The following CAPN14 variants were observed in gnomAD, a reference collection of about 807,000 sequenced individuals.
CAPN14 encodes calpain-14.
In CAPN14, 94 loss-of-function variants were observed where a neutral mutation model predicts 101.3. The observed-to-expected ratio is 0.93, with a 90% CI of 0.79 to 1.10. The LOEUF (loss-of-function observed/expected upper bound fraction) is 1.10, where lower values mean the gene tolerates loss of function less well. CAPN14 is among the 50% of genes least tolerant of loss of function. The pLI is 0.00. For missense variants in CAPN14, 837 were observed against 828.4 expected (o/e 1.01, Z -0.13); for synonymous variants, 338 against 317.9 (o/e 1.06, Z -0.67).
chr2:31,177,084 G>C lies in CAPN14; in HGVS notation c.1914C>G (p.Arg638=). The change falls in exon 20 of 22, where the codon CGC becomes CGG. Residue 638 remains arginine, a synonymous_variant. Coordinates refer to ENST00000403897, the MANE Select transcript of CAPN14 (RefSeq NM_001145122.2). The part of the protein sequence containing the change: ...QLMLIRYGGP[R]LQMDFVSFIH... ...TGAAACTGACAAAGTCCATCTGGAGGCGGGGGCCGCCGTAGCGGATGAGCA... is the reference window on the plus strand; with the variant it reads ...TGAAACTGACAAAGTCCATCTGGAGCCGGGGGCCGCCGTAGCGGATGAGCA... The C allele has an allele frequency of 6.4e-7, 1 of 1,551,508 alleles. No homozygotes were observed. The highest frequency in any genetic ancestry group is 8.7e-7 in the Non-Finnish European group (1 of 1,146,882).
chr2:31,180,556 G>A (rs1011178779), intron 17 of CAPN14, among the ~76,000 whole-genome samples: 8 of 152,080 alleles, frequency 5.3e-5, no homozygotes, highest in African/African-American at 7.2e-5. Context: ...AAAACATAGG[G>A]CCCCAAGGCT....
chr2:31,181,740 T>C (rs568353861), intron 16 of CAPN14, among the ~76,000 whole-genome samples: 10 of 139,600 alleles, frequency 7.2e-5, no homozygotes, highest in African/African-American at 2.7e-4. Flanking sequence ...TTCTCGTTGT[T>C]CAATTCCCAC....
chr2:31,211,101 T>G (rs1402069360), intron 1 of CAPN14, among the ~76,000 whole-genome samples: 1 of 152,094 alleles, frequency 6.6e-6, no homozygotes, highest in Non-Finnish European at 1.5e-5. Context: ...ATAAAAGATA[T>G]TTCCTTAAAC....
rs1414533954 is a variant in CAPN14, at chr2:31,180,987, T to C, written c.1659A>G (p.Arg553=). The change falls in exon 17 of 22, where the codon AGA becomes AGG. Residue 553 remains arginine, a synonymous_variant. Transcript: ENST00000403897. Reference sequence around the variant, plus strand: ...AGGCTTCCAGGCTAAAGAAGGGCTGTCTGCTCCCCAGACCTGTGAAGGAGC... The same window carrying C: ...AGGCTTCCAGGCTAAAGAAGGGCTGCCTGCTCCCCAGACCTGTGAAGGAGC... ...NQMTWSSLGS[R]QPFFSLEACQ... 2 of 1,551,808 alleles carry C rather than the reference T, an allele frequency of 1.3e-6. No homozygotes were observed. The highest frequency in any genetic ancestry group is 2.0e-5 in the Admixed American group (1 of 51,004).
At chr2:31,231,616 T>C (rs1404974406) in intron 1 of CAPN14, among the ~76,000 whole-genome samples, 1 of 152,222 alleles carries the variant, frequency 6.6e-6, no homozygotes, top group East Asian at 1.9e-4. Flanking sequence ...AGTAGATGTG[T>C]CAACACGCAC....
Position 31,189,320 on chromosome 2 carries a change from C to G in CAPN14, c.1446G>C (p.Gln482His). 1 of 1,551,722 alleles carries G rather than the reference C, an allele frequency of 6.4e-7. No homozygotes were observed. The highest frequency in any genetic ancestry group is 8.7e-7 in the Non-Finnish European group (1 of 1,147,014). Residue 482 changes from glutamine (Q) to histidine (H), a missense_variant, in exon 13 of 22, where the codon CAG (glutamine) becomes CAC (histidine). Gln to His is a conservative substitution (Grantham distance 24). Coordinates refer to ENST00000403897, the MANE Select transcript of CAPN14 (RefSeq NM_001145122.2). ...AGACCCTGAGGACGAACTCTGACTT[C>G]TGGTGGGCCTCCAATATGCAGGGCA... Reference protein sequence around the residue: ...LIVPCILEAHQKSEFVLRVFS... With the variant: ...LIVPCILEAHHKSEFVLRVFS...
At chr2:31,216,742 C>T (rs1245960243) in intron 1 of CAPN14, among the ~76,000 whole-genome samples, 2 of 152,132 alleles carry the variant, frequency 1.3e-5, no homozygotes, top group South Asian at 4.2e-4. Flanking sequence ...CCGACTACCT[C>T]GCTCTGGAGT....
At chr2:31,181,442 CTTTT>C (rs754556160) in intron 16 of CAPN14, among the ~76,000 whole-genome samples, 78 of 99,036 alleles carry the variant, frequency 7.9e-4, no homozygotes, top group African/African-American at 2.7e-3. Context: ...TTCTTTCTTT[CTTTT>C]TCTTTCTTTT....
intron 1 of CAPN14, among the ~76,000 whole-genome samples, chr2:31,207,954 A>G (rs372952904): frequency 3.2e-4 from 48 of 152,156 alleles, no homozygotes; most frequent in African/African-American, 1.0e-3. Context: ...TCTTCTGCCT[A>G]ATGGCTTTTG....
At position 31,193,145 on chromosome 2, in the gene CAPN14, C is replaced by T; in HGVS notation, c.1100G>A (p.Arg367Lys). 6.4e-7 allele frequency: 1 copy of T among 1,550,552 alleles called. No homozygotes were observed. The highest frequency in any genetic ancestry group is 8.7e-7 in the Non-Finnish European group (1 of 1,146,912). ...WEKRSTAGGQ[R>K]QLLQDTFWKN... Reference sequence around the variant, plus strand: ...CACATGCTCACCCTGCAGCAACTGCCTCTGGCCACCAGCTGTGCTCCGCTT... The same window carrying T: ...CACATGCTCACCCTGCAGCAACTGCTTCTGGCCACCAGCTGTGCTCCGCTT... The change falls in exon 10 of 22, where the codon AGG becomes AAG. Residue 367 changes from arginine to lysine, a missense_variant. Transcript: ENST00000403897.
intron 21 of CAPN14, among the ~76,000 whole-genome samples, chr2:31,175,214 C>T (rs1055165883): frequency 2.0e-5 from 3 of 152,170 alleles, no homozygotes; most frequent in African/African-American, 4.8e-5. Context: ...AAAGCCTCAG[C>T]GTGAAATCCA....
In CAPN14 at chr2:31,228,319, T is replaced by C. The variant is rs374852654; in HGVS notation, c.-176-1668A>G. The C allele has an allele frequency of 2.6e-5, 4 of 152,206 alleles. No individual in the cohort carries two copies. The East Asian group carries it at 5.8e-4, about 22-fold the overall frequency. The allele number at this position is 152,206 out of a possible 1,614,324, so 9.4% of individuals were successfully genotyped here. A position where few individuals can be genotyped will look rare whatever the true frequency, so the allele number is the denominator to read the frequency against. On this transcript the variant is annotated intron_variant and NMD_transcript_variant, in intron 1 of 21. Coordinates refer to the CAPN14 transcript ENST00000398824. ...TGGATGAGAAAGGGAAGTGTCTGTA[T>C]CCACACCACCCTGAATGCACCCGAT...
chr2:31,187,540 A>ACTAAT (rs1392214906), intron 15 of CAPN14, among the ~76,000 whole-genome samples: 1 of 152,228 alleles, frequency 6.6e-6, no homozygotes, highest in Non-Finnish European at 1.5e-5. Context: ...GCGTCCAAGA[A>ACTAAT]CAGAGAATCA....
rs568362960 is a variant in CAPN14 at position 31,229,338 on chromosome 2, G to T, written c.-176-2687C>A. On this transcript the variant is annotated intron_variant and NMD_transcript_variant, in intron 1 of 21. Coordinates refer to the CAPN14 transcript ENST00000398824. ...AGTTTTTTAAAAATATAATAAAGGA[G>T]CCAGGTGTAGTTTGTCTTGAACCAC... is the stretch of plus-strand genomic sequence containing the variant. 6.8e-4 allele frequency among the ~76,000 whole-genome samples: 103 copies of T among 152,194 alleles called. No individual in the cohort carries two copies. The South Asian group carries it at 7.3e-3, about 11-fold the overall frequency.
upstream of CAPN14, among the ~76,000 whole-genome samples, chr2:31,220,632 C>T (rs555128747): frequency 3.3e-5 from 5 of 152,308 alleles, no homozygotes; most frequent in East Asian, 5.8e-4. Flanking sequence ...ACATGACCAA[C>T]AGCCTGACCA....
intron 16 of CAPN14, among the ~76,000 whole-genome samples, chr2:31,184,475 T>A (rs1444282131): frequency 6.6e-6 from 1 of 152,220 alleles, no homozygotes; most frequent in African/African-American, 2.4e-5. Flanking sequence ...AGTATCTCTT[T>A]GAAATATGGT....
chr2:31,197,617 T>C lies in CAPN14; in HGVS notation c.790-283A>G, dbSNP rs139511613. On this transcript the variant is annotated intron_variant, in intron 7 of 21. Coordinates refer to ENST00000403897, the MANE Select transcript of CAPN14 (RefSeq NM_001145122.2). Reference sequence around the variant, plus strand: ...GGTGATCTTCCCTCCCCAAAGAGGATATGTACACTTAGAACCTGTGAACAT... The same window carrying C: ...GGTGATCTTCCCTCCCCAAAGAGGACATGTACACTTAGAACCTGTGAACAT... Among the ~76,000 whole-genome samples, 22 of 152,352 alleles carry C rather than the reference T, an allele frequency of 1.4e-4. No individual in the cohort carries two copies. In the East Asian group the frequency reaches 3.9e-3, roughly 27 times the overall value.
At chr2:31,182,394 T>C (rs1267534123) in intron 16 of CAPN14, among the ~76,000 whole-genome samples, 1 of 146,614 alleles carries the variant, frequency 6.8e-6, no homozygotes, top group East Asian at 1.9e-4. Flanking sequence ...GAAGTCAAAT[T>C]GTCCCTGTTT....
intron 1 of CAPN14, among the ~76,000 whole-genome samples, chr2:31,210,934 C>T (rs988954771): frequency 6.6e-6 from 1 of 151,772 alleles, no homozygotes; most frequent in Admixed American, 6.6e-5. Flanking sequence ...TCTTCTTTTT[C>T]ACTAAACAGT....
Sources: gnomAD v4.1 joint callset for allele counts (sites outside exome capture counted in the v4.1 genomes callset) on GRCh38, gnomAD v4.1.1 for gene constraint, MANE v1.5 for transcripts, NCBI Gene and HGNC (gene_info 2026-07-23, HGNC 2026-07-21) for gene names.